DMD: variants seen among roughly 807,000 people sequenced by gnomAD.
DMD encodes mutant dystrophin.
A neutral mutation model predicts 330.1 loss-of-function variants in DMD; 63 were observed. The observed-to-expected ratio is 0.19, with a 90% CI of 0.16 to 0.24. The LOEUF (loss-of-function observed/expected upper bound fraction) is 0.24. Among genes scored for constraint, DMD ranks in the 10% least tolerant of loss-of-function variants. DMD has a pLI of 1.00. For synonymous variants in DMD, 1,223 were observed against 959.8 expected, an observed-to-expected ratio of 1.27 and a Z score of -5.07; for missense variants, 3,344 against 2,684.1, an observed-to-expected ratio of 1.25 and a Z score of -5.43.
intron 1 of DMD, among the ~76,000 whole-genome samples, chrX:33,305,592 C>A (rs1439623469): frequency 1.1e-5 from 1 of 89,492 alleles, no homozygotes; most frequent in African/African-American, 4.0e-5. Flanking sequence ...AAAAAAATGC[C>A]AAATATAACT....
At chrX:33,263,433 T>TTA (rs1557310294) in intron 1 of DMD, among the ~76,000 whole-genome samples, 3 of 105,220 alleles carry the variant, frequency 2.9e-5, no homozygotes, top group African/African-American at 1.1e-4. Flanking sequence ...GAGAGCTTTT[T>TTA]AAAAAATATA....
intron 11 of DMD, among the ~76,000 whole-genome samples, chrX:32,634,536 C>G (rs2058959075): frequency 8.9e-6 from 1 of 111,754 alleles, no homozygotes; most frequent in South Asian, 3.8e-4. Flanking sequence ...GCCCTAGGTC[C>G]CTTTGGTCAG....
At chrX:31,293,868 A>C in intron 62 of DMD, among the ~76,000 whole-genome samples, 1 of 111,595 alleles carries the variant, frequency 9.0e-6, no homozygotes, top group Non-Finnish European at 1.9e-5. Context: ...AAGAAAGGAC[A>C]TAATAGGCCA....
At chrX:31,671,192 G>A (rs2081763003) in intron 53 of DMD, among the ~76,000 whole-genome samples, 1 of 112,188 alleles carries the variant, frequency 8.9e-6, no homozygotes. Flanking sequence ...GATTACAGGC[G>A]TGAGCCACCA....
At chrX:32,575,963 A>AC (rs1362084669) in intron 13 of DMD, among the ~76,000 whole-genome samples, 1 of 112,170 alleles carries the variant, frequency 8.9e-6, no homozygotes, top group African/African-American at 3.2e-5. Flanking sequence ...TAAGCTTGTA[A>AC]CCCCATAGGT....
chrX:32,534,988 T>C (rs1300721252), intron 17 of DMD, among the ~76,000 whole-genome samples: 4 of 111,576 alleles, frequency 3.6e-5, no homozygotes, highest in Non-Finnish European at 7.5e-5. Flanking sequence ...AAGAATAATA[T>C]ATAAATGTGG....
At chrX:32,587,904 G>A (rs1488753041) in intron 13 of DMD, among the ~76,000 whole-genome samples, 5 of 111,558 alleles carry the variant, frequency 4.5e-5, no homozygotes, top group African/African-American at 1.6e-4. Flanking sequence ...ATCTGATAAT[G>A]TAGGTTCTAA....
chrX:31,136,460 T>A (rs1215194583), intron 76 of DMD, among the ~76,000 whole-genome samples: 1 of 112,229 alleles, frequency 8.9e-6, no homozygotes, highest in East Asian at 2.8e-4. Context: ...GCTGATTACA[T>A]CTCTCTGTTT....
chrX:32,067,735 T>C (rs1393525572), intron 44 of DMD, among the ~76,000 whole-genome samples: 1 of 112,067 alleles, frequency 8.9e-6, no homozygotes, highest in African/African-American at 3.2e-5. Flanking sequence ...GTGTACAACA[T>C]TTACTTTATC....
intron 62 of DMD, among the ~76,000 whole-genome samples, chrX:31,303,146 TTTTTA>T (rs1320796383): frequency 8.9e-6 from 1 of 111,778 alleles, no homozygotes; most frequent in Non-Finnish European, 1.9e-5. Flanking sequence ...AAATTAGTCT[TTTTTA>T]TTTTTAGTAT....
intron 51 of DMD, among the ~76,000 whole-genome samples, chrX:31,745,378 C>T (rs1302479170): frequency 9.0e-6 from 1 of 111,023 alleles, no homozygotes; most frequent in Non-Finnish European, 1.9e-5. Flanking sequence ...ATGTTGAAGG[C>T]CATGGGAAAT....
chrX:32,606,789 C>CAG (rs776833718), intron 12 of DMD, among the ~76,000 whole-genome samples: 1 of 70,860 alleles, frequency 1.4e-5, no homozygotes, highest in Non-Finnish European at 2.4e-5. Context: ...ACACACACCA[C>CAG]AGAACACTAC....
intron 55 of DMD, among the ~76,000 whole-genome samples, chrX:31,523,897 C>T (rs1603307003): frequency 1.8e-5 from 2 of 109,321 alleles, no homozygotes; most frequent in East Asian, 5.8e-4. Flanking sequence ...AGCATTTTGA[C>T]TTTACCCTAA....
At chrX:33,125,057 T>C (rs1488375953) in intron 1 of DMD, among the ~76,000 whole-genome samples, 4 of 107,761 alleles carry the variant, frequency 3.7e-5, no homozygotes, top group Non-Finnish European at 7.7e-5. Flanking sequence ...AAAGGCTTTA[T>C]TTTTATGAAG....
intron 61 of DMD, among the ~76,000 whole-genome samples, chrX:31,340,018 G>A (rs1483319583): frequency 8.9e-6 from 1 of 112,466 alleles, no homozygotes; most frequent in Non-Finnish European, 1.9e-5. Context: ...GTGCTTAAAG[G>A]TTTCCCCTAT....
intron 61 of DMD, among the ~76,000 whole-genome samples, chrX:31,344,044 G>GGA (rs2057941142): frequency 9.7e-6 from 1 of 103,234 alleles, no homozygotes. Flanking sequence ...GTGCGGGGGG[G>GGA]GGTGGATTAT....
chrX:31,243,444 G>A (rs994037548), intron 63 of DMD, among the ~76,000 whole-genome samples: 3 of 111,910 alleles, frequency 2.7e-5, no homozygotes, highest in African/African-American at 6.5e-5. Context: ...TTACCAACTA[G>A]AGCCCCTCAA....
intron 2 of DMD, among the ~76,000 whole-genome samples, chrX:32,996,862 T>C (rs778805814): frequency 2.1e-4 from 23 of 111,041 alleles, no homozygotes; most frequent in Non-Finnish European, 3.0e-4. Flanking sequence ...ATTTCTCAAG[T>C]TGTGCTCATA....
intron 44 of DMD, among the ~76,000 whole-genome samples, chrX:32,105,644 T>A (rs1189457370): frequency 8.9e-6 from 1 of 111,930 alleles, no homozygotes; most frequent in Non-Finnish European, 1.9e-5. Context: ...AATCACCTGA[T>A]CTCTTCAAAT....
Sources: allele counts gnomAD v4.1 joint callset (sites outside exome capture counted in the v4.1 genomes callset), GRCh38; gene constraint gnomAD v4.1.1; transcripts MANE v1.5; gene names NCBI Gene and HGNC (gene_info 2026-07-23, HGNC 2026-07-21).